NRG1: variants seen among roughly 807,000 people sequenced by gnomAD.
NRG1 encodes the protein pro-neuregulin-1, membrane-bound isoform.
In NRG1, 18 loss-of-function variants were observed where a neutral mutation model predicts 63.8. The ratio of observed to expected loss-of-function variants is 0.28; its 90% CI spans 0.19 to 0.42. The LOEUF is 0.42. Among genes scored for constraint, NRG1 ranks in the 10% least tolerant of loss-of-function variants. The pLI, the probability that NRG1 is intolerant of heterozygous loss-of-function variation, is 1.00. For synonymous variants in NRG1, 302 were observed against 301.3 expected (o/e 1.00, Z -0.02); for missense variants, 762 against 814.7 (o/e 0.94, Z 0.79).
intron 1 of NRG1, among the ~76,000 whole-genome samples, chr8:32,032,243 T>C (rs550509854): frequency 1.3e-5 from 2 of 152,244 alleles, no homozygotes; most frequent in East Asian, 1.9e-4. Flanking sequence ...GCTGCATGAA[T>C]GTCTTCTTTT....
At chr8:32,691,947 A>G (rs1446267245) in intron 5 of NRG1, among the ~76,000 whole-genome samples, 2 of 152,214 alleles carry the variant, frequency 1.3e-5, no homozygotes, top group African/African-American at 4.8e-5. Flanking sequence ...TGTCATCATA[A>G]TCTTCACAGC....
In NRG1 at chr8:31,900,636, A is replaced by G. The variant is rs377151459; in HGVS notation, c.37+261205A>G. On this transcript the variant is annotated intron_variant, in intron 1 of 10. Coordinates refer to the NRG1 transcript ENST00000519301. ...TTAGAAGTTGCCAAAATTTTTTTAT[A>G]GAAGAAACAGATGTCATCTTCTTTT... Among the ~76,000 whole-genome samples, 16 of 152,340 alleles carry G rather than the reference A, an allele frequency of 1.1e-4. 1 individual carries two copies. The highest frequency in any genetic ancestry group is 3.6e-4 in the African/African-American group (15 of 41,584).
At chr8:31,912,089 AAAACC>A (rs1330604430) in intron 1 of NRG1, among the ~76,000 whole-genome samples, 1 of 152,236 alleles carries the variant, frequency 6.6e-6, no homozygotes, top group East Asian at 1.9e-4. Context: ...GATGTGGCTT[AAAACC>A]TAGAGGAGGC....
At chr8:32,355,229 T>C (rs1806210786) in intron 1 of NRG1, among the ~76,000 whole-genome samples, 2 of 152,130 alleles carry the variant, frequency 1.3e-5, no homozygotes, top group Non-Finnish European at 2.9e-5. Context: ...GTGGCCGAGA[T>C]GGGCAGATTG....
intron 1 of NRG1, among the ~76,000 whole-genome samples, chr8:32,419,106 T>A (rs558178742): frequency 6.6e-6 from 1 of 152,332 alleles, no homozygotes; most frequent in South Asian, 2.1e-4. Context: ...ACTTGAGAGA[T>A]GGATTTCCTA....
intron 1 of NRG1, among the ~76,000 whole-genome samples, chr8:32,413,562 T>A (rs560550879): frequency 6.6e-6 from 1 of 152,276 alleles, no homozygotes; most frequent in South Asian, 2.1e-4. Context: ...AGCGCTGGGA[T>A]TACACACATC....
intron 1 of NRG1, among the ~76,000 whole-genome samples, chr8:31,835,411 G>A (rs181311060): frequency 6.6e-6 from 1 of 152,266 alleles, no homozygotes; most frequent in African/African-American, 2.4e-5. Context: ...TTGTTTATCT[G>A]TGTCTTTGAC....
chr8:32,267,056 GAAAGAAAGAAAA>G (rs1447609274), intron 1 of NRG1, among the ~76,000 whole-genome samples: 1 of 136,472 alleles, frequency 7.3e-6, no homozygotes, highest in Non-Finnish European at 1.6e-5. Flanking sequence ...CTCAAAAAAA[GAAAGAAAGAAAA>G]AAAGAAAGAG....
chr8:32,574,328 G>T (rs918793160), intron 1 of NRG1, among the ~76,000 whole-genome samples: 6 of 151,954 alleles, frequency 3.9e-5, no homozygotes, highest in African/African-American at 1.5e-4. Context: ...ATTTCATCAG[G>T]TCTTCAAAAG....
intron 1 of NRG1, among the ~76,000 whole-genome samples, chr8:31,958,044 C>CAGATAGATAGATAGATAGAT (rs59793665): frequency 0.014 from 2,112 of 145,908 alleles, 23 homozygotes; most frequent in East Asian, 0.026. Flanking sequence ...CAGTAGAGAC[C>CAGATAGATAGATAGATAGAT]AGATAGATAG....
chr8:31,933,271 T>C (rs556895062), intron 1 of NRG1, among the ~76,000 whole-genome samples: 1 of 151,828 alleles, frequency 6.6e-6, no homozygotes, highest in East Asian at 1.9e-4. Context: ...ATGGATGTCA[T>C]TATTATTATC....
At chr8:32,392,250 G>T (rs1039834216) in intron 1 of NRG1, among the ~76,000 whole-genome samples, 3 of 152,162 alleles carry the variant, frequency 2.0e-5, no homozygotes, top group Non-Finnish European at 4.4e-5. Context: ...TCTGACAGCA[G>T]CTTGAGACAG....
chr8:31,779,459 GAA>G (rs57749982), intron 1 of NRG1, among the ~76,000 whole-genome samples: 3 of 145,860 alleles, frequency 2.1e-5, no homozygotes, highest in South Asian at 4.4e-4. Context: ...GCCCAGAAGG[GAA>G]AAAAAAAAAA....
intron 1 of NRG1, among the ~76,000 whole-genome samples, chr8:31,660,543 C>T (rs1293805184): frequency 6.6e-6 from 1 of 152,158 alleles, no homozygotes; most frequent in Non-Finnish European, 1.5e-5. Flanking sequence ...ACAATTAAAA[C>T]AAGGAGAGTC....
chr8:31,940,559 G>A (rs1563594322), intron 1 of NRG1, among the ~76,000 whole-genome samples: 1 of 151,992 alleles, frequency 6.6e-6, no homozygotes, highest in Non-Finnish European at 1.5e-5. Flanking sequence ...GATCAGAGCA[G>A]AACTAAATGA....
At chr8:31,671,971 A>G (rs1280053816) in intron 1 of NRG1, among the ~76,000 whole-genome samples, 2 of 152,198 alleles carry the variant, frequency 1.3e-5, no homozygotes, top group African/African-American at 2.4e-5. Flanking sequence ...AAGAAGGATT[A>G]AGATCAGCTG....
chr8:31,968,729 G>T (rs138075202), intron 1 of NRG1, among the ~76,000 whole-genome samples: 1,712 of 152,114 alleles, frequency 0.011, 11 homozygotes, highest in Middle Eastern at 0.051. Context: ...ATTTCTCATG[G>T]TTTTTTTCTA....
chr8:32,569,568 T>A (rs1045410024), intron 1 of NRG1, among the ~76,000 whole-genome samples: 1 of 152,158 alleles, frequency 6.6e-6, no homozygotes, highest in Admixed American at 6.5e-5. Context: ...CTGAAAAAAA[T>A]TATATGAAAA....
intron 1 of NRG1, among the ~76,000 whole-genome samples, chr8:31,708,740 C>T (rs900981195): frequency 2.6e-5 from 4 of 152,138 alleles, no homozygotes; most frequent in East Asian, 1.9e-4. Flanking sequence ...CCACCGCGCC[C>T]GGCCAACATA....
Sources: allele counts gnomAD v4.1 joint callset (sites outside exome capture counted in the v4.1 genomes callset), GRCh38; gene constraint gnomAD v4.1.1; transcripts MANE v1.5; gene names NCBI Gene and HGNC (gene_info 2026-07-23, HGNC 2026-07-21).